The following GBF1 variants were observed in gnomAD, a reference collection of about 807,000 sequenced individuals.
The protein encoded by GBF1 is golgi brefeldin A resistant guanine nucleotide exchange factor 1.
In GBF1, 114 loss-of-function variants were observed where a neutral mutation model predicts 210.5. That is an observed-to-expected ratio of 0.54 (90% CI 0.47 to 0.63). GBF1 has a LOEUF of 0.63. GBF1 is among the 30% of genes least tolerant of loss of function. GBF1 has a pLI of 0.00. For synonymous variants in GBF1, 850 were observed against 889.2 expected (o/e 0.96, Z 0.78); for missense variants, 1,851 against 2,357.7 (o/e 0.79, Z 4.45).
At chr10:102,315,703 A>G (rs1213796356) in intron 3 of GBF1, among the ~76,000 whole-genome samples, 1 of 152,138 alleles carries the variant, frequency 6.6e-6, no homozygotes, top group African/African-American at 2.4e-5. Context: ...TTTAGGTGGT[A>G]ATGCTCACTC....
chr10:102,237,316 A>G, the GBF1 span, among the ~76,000 whole-genome samples: 2 of 152,132 alleles, frequency 1.3e-5, no homozygotes. Flanking sequence ...CTGAATTGGG[A>G]GTTCAAGAGG....
intron 3 of GBF1, among the ~76,000 whole-genome samples, chr10:102,264,031 A>G (rs2073559050): frequency 6.6e-6 from 1 of 152,178 alleles, no homozygotes; most frequent in African/African-American, 2.4e-5. Flanking sequence ...GCTAATGGCT[A>G]CAGGGTTCCT....
At chr10:102,354,679 G>A (rs920254567) in intron 8 of GBF1, among the ~76,000 whole-genome samples, 2 of 152,150 alleles carry the variant, frequency 1.3e-5, no homozygotes, top group East Asian at 3.8e-4. Context: ...GGAGAAGGAA[G>A]ACTTGAACAT....
intron 32 of GBF1, 29 bp downstream of exon 32, chr10:102,376,829 G>C (rs758742106): frequency 1.3e-5 from 21 of 1,609,400 alleles, no homozygotes; most frequent in Non-Finnish European, 1.8e-5. Flanking sequence ...GGGCAGCTGG[G>C]GAGTAGCCAT....
intron 3 of GBF1, among the ~76,000 whole-genome samples, chr10:102,315,750 T>G (rs2078875817): frequency 5.3e-5 from 8 of 152,154 alleles, no homozygotes; most frequent in Admixed American, 5.2e-4. Flanking sequence ...GCCTGGTTCC[T>G]AATGGGCCAC....
At chr10:102,231,640 C>T in the GBF1 span, 4 of 1,612,330 alleles carry the variant, frequency 2.5e-6, no homozygotes, top group African/African-American at 5.3e-5. Flanking sequence ...CTCGCGCGTG[C>T]TCATGTCGGG....
chr10:102,233,817 C>G, the GBF1 span, among the ~76,000 whole-genome samples: 5 of 152,236 alleles, frequency 3.3e-5, no homozygotes, highest in African/African-American at 1.2e-4. Context: ...CCTTCCTACT[C>G]ATACTTCCTT....
At chr10:102,231,471 G>A in the GBF1 span, 2 of 686,042 alleles carry the variant, frequency 2.9e-6, no homozygotes, top group South Asian at 1.8e-5. Flanking sequence ...CGGGAGCCAG[G>A]GTCCGGGGTC....
At chr10:102,380,224 G>A (rs748665031) in intron 36 of GBF1, 25 bp from the exon 37 acceptor site, 1 of 1,508,028 alleles carries the variant, frequency 6.6e-7, no homozygotes, top group Admixed American at 1.7e-5. Context: ...AGTCCCCTCA[G>A]CTGAAGGGGG....
chr10:102,246,820 G>A (rs545626870), intron 1 of GBF1, among the ~76,000 whole-genome samples: 1 of 150,716 alleles, frequency 6.6e-6, no homozygotes, highest in African/African-American at 2.4e-5. Context: ...AATGCACAAT[G>A]TGGAAACTTG....
At chr10:102,258,692 T>C (rs948227342) in intron 1 of GBF1, among the ~76,000 whole-genome samples, 1 of 149,210 alleles carries the variant, frequency 6.7e-6, no homozygotes, top group Non-Finnish European at 1.5e-5. Context: ...GAGAATTGCT[T>C]GAACTCGGGA....
chr10:102,332,904 A>C (rs1198697113), intron 3 of GBF1, among the ~76,000 whole-genome samples: 1 of 152,226 alleles, frequency 6.6e-6, no homozygotes, highest in Non-Finnish European at 1.5e-5. Context: ...GATCTGAGAA[A>C]CTGTTGTGTG....
the GBF1 span, among the ~76,000 whole-genome samples, chr10:102,236,100 C>T: frequency 6.6e-6 from 1 of 152,164 alleles, no homozygotes; most frequent in Admixed American, 6.5e-5. Context: ...GGGGCATAGA[C>T]CTCTAGCCGA....
At chr10:102,249,895 T>C (rs1199149831) in intron 1 of GBF1, among the ~76,000 whole-genome samples, 1 of 152,130 alleles carries the variant, frequency 6.6e-6, no homozygotes, top group Non-Finnish European at 1.5e-5. Flanking sequence ...TTTCACCATA[T>C]TGGCCAGGCT....
At chr10:102,338,779 T>G (rs920999278) in intron 3 of GBF1, among the ~76,000 whole-genome samples, 3 of 151,756 alleles carry the variant, frequency 2.0e-5, no homozygotes, top group African/African-American at 7.3e-5. Context: ...ATACCCCGTC[T>G]CTACTAAAAA....
intron 3 of GBF1, among the ~76,000 whole-genome samples, chr10:102,337,393 G>A (rs1017115962): frequency 6.6e-6 from 1 of 151,282 alleles, no homozygotes; most frequent in South Asian, 2.1e-4. Flanking sequence ...AAAACTATGG[G>A]TCTGCAGTGG....
At position 102,286,405 on chromosome 10, in the gene GBF1, T is replaced by G. The variant is rs143791440; in HGVS notation, c.163+26289T>G. ...CTGTGTAGCAGTAATATATCAGAGA[T>G]CAGACTTAGGTCCCAGTGGGATTAT... is the stretch of plus-strand genomic sequence containing the variant. On this transcript the variant is annotated intron_variant, in intron 3 of 39. Transcript: ENST00000369983. 2.3e-4 allele frequency among the ~76,000 whole-genome samples: 35 copies of G among 152,232 alleles called. No homozygotes were observed. In the East Asian group the frequency reaches 6.6e-3, roughly 29 times the overall value.
intron 38 of GBF1, 121 bp from the exon 39 acceptor site, chr10:102,381,006 G>T: frequency 2.2e-6 from 2 of 910,612 alleles, no homozygotes; most frequent in Non-Finnish European, 3.4e-6. Flanking sequence ...AAAAAAAAAA[G>T]TCCCCAAAGC....
At chr10:102,237,454 C>T in the GBF1 span, among the ~76,000 whole-genome samples, 4 of 152,026 alleles carry the variant, frequency 2.6e-5, no homozygotes, top group East Asian at 3.9e-4. Flanking sequence ...CAGAGAGAAA[C>T]GAGTCAAACC....
Sources: gnomAD v4.1 joint callset for allele counts (sites outside exome capture counted in the v4.1 genomes callset) on GRCh38, gnomAD v4.1.1 for gene constraint, MANE v1.5 for transcripts, NCBI Gene and HGNC (gene_info 2026-07-23, HGNC 2026-07-21) for gene names.